ADAMTS17: variants seen among roughly 807,000 people sequenced by gnomAD.
The protein encoded by ADAMTS17 is ADAM metallopeptidase with thrombospondin type 1 motif 17, also known as A disintegrin and metalloproteinase with thrombospondin motifs 17.
Under a neutral mutation model 141.5 loss-of-function variants are expected in ADAMTS17, and 113 were observed. The observed-to-expected ratio is 0.80, with a 90% CI of 0.69 to 0.93. ADAMTS17 has a LOEUF of 0.93. Ranked by LOEUF, ADAMTS17 falls within the 40% of genes least tolerant of loss-of-function variation. The pLI, the probability that ADAMTS17 is intolerant of heterozygous loss-of-function variation, is 0.00. For synonymous variants in ADAMTS17, 768 were observed against 630.6 expected (o/e 1.22, Z -3.27); for missense variants, 1,659 against 1,517.9 (o/e 1.09, Z -1.54).
chr15:99,988,103 C>A (rs2060625850), intron 20 of ADAMTS17, among the ~76,000 whole-genome samples: 1 of 152,124 alleles, frequency 6.6e-6, no homozygotes. Context: ...TCGGTGCACA[C>A]AATGGGATGC....
chr15:100,109,069 G>C lies in ADAMTS17; in HGVS notation c.1936C>G (p.Leu646Val), dbSNP rs570605751. 98 of 1,614,010 alleles carry C rather than the reference G, an allele frequency of 6.1e-5. No individual in the cohort carries two copies. In the South Asian group the frequency reaches 7.4e-4, roughly 12 times the overall value. Reference sequence around the variant, plus strand: ...TCCAGGACCCTGTCGGCCACCAGCAGTGGGGACTCCTTCCCGAGGGGCGAG... The same window carrying C: ...TCCAGGACCCTGTCGGCCACCAGCACTGGGGACTCCTTCCCGAGGGGCGAG... ...YCSPLGKESP[L>V]LVADRVLDGT... The change falls in exon 14 of 22, where the codon CTG becomes GTG. Residue 646 changes from leucine (L) to valine (V), a missense_variant. Coordinates refer to ENST00000268070, the MANE Select transcript of ADAMTS17 (RefSeq NM_139057.4).
At chr15:100,332,561 T>C (rs1200143020) in intron 2 of ADAMTS17, among the ~76,000 whole-genome samples, 1 of 152,232 alleles carries the variant, frequency 6.6e-6, no homozygotes, top group African/African-American at 2.4e-5. Flanking sequence ...CTAGTTATTA[T>C]TCGTTCAGTC....
intron 18 of ADAMTS17, among the ~76,000 whole-genome samples, chr15:100,001,988 C>CA (rs879343287): frequency 0.46 from 17,602 of 38,592 alleles, 4,476 homozygotes; most frequent in Non-Finnish European, 0.54. Context: ...AAAAAAAGGC[C>CA]AAACCCAAAA....
Position 100,293,856 on chromosome 15 carries a change from A to G in ADAMTS17, c.617-12455T>C, listed in dbSNP as rs540761159. ...TGTTTAAAACTCTTTGAAATTCCTA[A>G]TAACAAGATCAGTTTTAGGAAACTT... On this transcript the variant is annotated intron_variant, in intron 3 of 21. Transcript: ENST00000268070. Among the ~76,000 whole-genome samples the G allele has an allele frequency of 6.6e-5, 10 of 152,336 alleles. No homozygotes were observed. The South Asian group carries it at 2.1e-3, about 32-fold the overall frequency.
intron 8 of ADAMTS17, among the ~76,000 whole-genome samples, chr15:100,160,338 C>CGA (rs2141402176): frequency 6.6e-6 from 1 of 152,308 alleles, no homozygotes; most frequent in Admixed American, 6.5e-5. Flanking sequence ...AAGCTGCTCC[C>CGA]ATTCTCCCTG....
chr15:100,005,458 A>G (rs1213710013), intron 18 of ADAMTS17, among the ~76,000 whole-genome samples: 1 of 151,874 alleles, frequency 6.6e-6, no homozygotes, highest in Non-Finnish European at 1.5e-5. Flanking sequence ...TTCCAGCTCC[A>G]CGCTGCCCCA....
At chr15:100,194,097 CTCT>C (rs750240228) in intron 8 of ADAMTS17, among the ~76,000 whole-genome samples, 4 of 152,200 alleles carry the variant, frequency 2.6e-5, no homozygotes, top group Non-Finnish European at 5.9e-5. Context: ...AAGATATATC[CTCT>C]TCGTTTTTCT....
chr15:100,169,731 C>G (rs117314538), intron 8 of ADAMTS17, among the ~76,000 whole-genome samples: 18 of 152,306 alleles, frequency 1.2e-4, no homozygotes, highest in Non-Finnish European at 2.1e-4. Flanking sequence ...ACTGCATGCT[C>G]GAAACCAGCA....
rs1200624014 is a variant in ADAMTS17 at position 100,341,056 on chromosome 15, C to T, written c.433G>A (p.Gly145Ser). ...GGCAGTACCAGGCCGCCGGCGGCGC[C>T]GCAGGCGCTGAGCGAGACGAGGGAG... The part of the protein sequence containing the change: ...PGSLVSLSAC[G>S]AAGGLVGLIQ... Residue 145 changes from glycine to serine, a missense_variant, in exon 2 of 22, where the codon GGC becomes AGC. By Grantham distance (56) the Gly-to-Ser change is moderately conservative. Coordinates refer to ENST00000268070, the MANE Select transcript of ADAMTS17 (RefSeq NM_139057.4). 7.2e-6 allele frequency: 11 copies of T among 1,523,442 alleles called. No homozygotes were observed. Among genetic ancestry groups the T allele is most frequent in the South Asian group, 1.2e-5 (1 of 83,692 alleles). The allele number at this position is 1,523,442 out of a possible 1,614,324, so 94.4% of individuals were successfully genotyped here. A position where few individuals can be genotyped will look rare whatever the true frequency, so the allele number is the denominator to read the frequency against.
intron 12 of ADAMTS17, chr15:100,126,263 G>A (rs74039605): frequency 6.6e-6 from 1 of 152,172 alleles, no homozygotes; most frequent in Non-Finnish European, 1.5e-5. Context: ...CCATTCACCT[G>A]GGCTGGATCC....
intron 18 of ADAMTS17, among the ~76,000 whole-genome samples, chr15:100,018,345 A>C (rs893573537): frequency 5.3e-5 from 8 of 152,220 alleles, no homozygotes; most frequent in South Asian, 2.1e-4. Context: ...TTAAGAAGAA[A>C]TATAAATATC....
At chr15:100,317,130 C>A (rs2141886905) in intron 3 of ADAMTS17, among the ~76,000 whole-genome samples, 1 of 150,988 alleles carries the variant, frequency 6.6e-6, no homozygotes, top group East Asian at 1.9e-4. Context: ...CCCGACACCT[C>A]AAAAAAAAAT....
intron 16 of ADAMTS17, 106 bp downstream of exon 16, chr15:100,053,791 G>A (rs1325392150): frequency 3.9e-6 from 6 of 1,545,064 alleles, no homozygotes; most frequent in Non-Finnish European, 5.4e-6. Flanking sequence ...GAAGCCAGAT[G>A]CATTTCCTGC....
intron 18 of ADAMTS17, among the ~76,000 whole-genome samples, chr15:100,039,722 T>C (rs781307808): frequency 2.6e-5 from 4 of 152,248 alleles, no homozygotes; most frequent in Non-Finnish European, 4.4e-5. Flanking sequence ...TGGAGTGTTT[T>C]ATAGATATCT....
chr15:100,114,155 CTTCTT>C (rs1189463987), intron 13 of ADAMTS17, among the ~76,000 whole-genome samples: 10 of 113,966 alleles, frequency 8.8e-5, no homozygotes, highest in African/African-American at 3.3e-4. Flanking sequence ...AGAATTCTTT[CTTCTT>C]TTTTTTTTTT....
At chr15:100,129,656 T>C (rs1014569990) in intron 12 of ADAMTS17, 1 of 152,042 alleles carries the variant, frequency 6.6e-6, no homozygotes, top group African/African-American at 2.4e-5. Context: ...GGCAGGAGAA[T>C]CGCTTGAACC....
At chr15:100,304,761 C>T (rs935542686) in intron 3 of ADAMTS17, among the ~76,000 whole-genome samples, 1 of 152,150 alleles carries the variant, frequency 6.6e-6, no homozygotes, top group African/African-American at 2.4e-5. Flanking sequence ...GTACAGTTGA[C>T]CCTTGAATAT....
At chr15:100,266,506 C>G (rs539240087) in intron 4 of ADAMTS17, among the ~76,000 whole-genome samples, 1 of 152,332 alleles carries the variant, frequency 6.6e-6, no homozygotes, top group Non-Finnish European at 1.5e-5. Flanking sequence ...GAGCCCATCC[C>G]TCTTCTGCTT....
chr15:100,039,052 G>T (rs1293085027), intron 18 of ADAMTS17, among the ~76,000 whole-genome samples: 1 of 152,202 alleles, frequency 6.6e-6, no homozygotes, highest in African/African-American at 2.4e-5. Context: ...TGTTCATAGT[G>T]TTCATTCCCA....
Sources: gnomAD v4.1 joint callset for allele counts (sites outside exome capture counted in the v4.1 genomes callset) on GRCh38, gnomAD v4.1.1 for gene constraint, MANE v1.5 for transcripts, NCBI Gene and HGNC (gene_info 2026-07-23, HGNC 2026-07-21) for gene names.